Variants in PLCE1 observed in about 807,000 individuals in gnomAD.
PLCE1 encodes the protein phospholipase C epsilon 1.
In PLCE1, 119 loss-of-function variants were observed where a neutral mutation model predicts 242.8. That is an observed-to-expected ratio of 0.49 (90% CI 0.42 to 0.57). PLCE1 has a LOEUF of 0.57. Among genes scored for constraint, PLCE1 ranks in the 20% least tolerant of loss-of-function variants. The pLI is 0.00. For missense variants in PLCE1, 2,441 were observed against 2,788.8 expected (o/e 0.88, Z 2.81); for synonymous variants, 945 against 1,017.4 (o/e 0.93, Z 1.35).
At position 94,004,638 on chromosome 10, in the gene PLCE1, G is replaced by T. The variant is rs948210351; in HGVS notation, c.-365+10380G>T. On this transcript the variant is annotated intron_variant, in intron 1 of 32. Coordinates refer to ENST00000371380, the MANE Select transcript of PLCE1 (RefSeq NM_016341.4). ...CCTTCTTCACATTCTTGTTGCTTAC[G>T]TGTTGCCCCTCATCCTTGTCTCCTT... 2.0e-5 allele frequency among the ~76,000 whole-genome samples: 3 copies of T among 152,160 alleles called. No individual in the cohort carries two copies. The South Asian group carries it at 6.2e-4, about 32-fold the overall frequency.
At chr10:94,201,978 C>CAA (rs1457243174) in intron 4 of PLCE1, among the ~76,000 whole-genome samples, 4 of 152,004 alleles carry the variant, frequency 2.6e-5, no homozygotes, top group Non-Finnish European at 5.9e-5. Flanking sequence ...GATAATCATT[C>CAA]AAAATATGAG....
intron 16 of PLCE1, among the ~76,000 whole-genome samples, chr10:94,267,217 T>C (rs1049406015): frequency 5.3e-5 from 8 of 152,236 alleles, no homozygotes; most frequent in Non-Finnish European, 8.8e-5. Context: ...TATATACATA[T>C]CTATGTATAT....
At chr10:94,061,258 A>T (rs2044048473) in intron 2 of PLCE1, among the ~76,000 whole-genome samples, 2 of 152,194 alleles carry the variant, frequency 1.3e-5, no homozygotes, top group Admixed American at 1.3e-4. Flanking sequence ...TTATAACAGG[A>T]TGTACTGCAA....
At chr10:94,082,751 G>T (rs2044690628) in intron 2 of PLCE1, among the ~76,000 whole-genome samples, 2 of 152,120 alleles carry the variant, frequency 1.3e-5, no homozygotes, top group South Asian at 4.1e-4. Context: ...CATTAGCAAT[G>T]AACCATCTGG....
intron 2 of PLCE1, among the ~76,000 whole-genome samples, chr10:94,036,319 T>C (rs1340825396): frequency 6.6e-6 from 1 of 152,206 alleles, no homozygotes; most frequent in Non-Finnish European, 1.5e-5. Flanking sequence ...TTTACAGTGG[T>C]ATGAATTTGA....
chr10:94,015,847 A>G (rs531261633), intron 1 of PLCE1, among the ~76,000 whole-genome samples: 2 of 152,298 alleles, frequency 1.3e-5, no homozygotes, highest in East Asian at 3.9e-4. Context: ...TGAAATATAA[A>G]CTATCACCTA....
Position 94,321,925 on chromosome 10 carries a change from C to G in PLCE1, c.6367C>G (p.Gln2123Glu). 6.2e-7 allele frequency: 1 copy of G among 1,613,546 alleles called. No individual in the cohort carries two copies. The highest frequency in any genetic ancestry group is 8.5e-7 in the Non-Finnish European group (1 of 1,179,554). The stretch of plus-strand genomic sequence containing the variant: ...GAACCTAGAAGAGAAAAACATTGTT[C>G]AAGATGACAAAGAGGTGATCTTGAG... ...QENLEEKNIV[Q>E]DDKEVILSSE... Residue 2123 changes from glutamine to glutamate, a missense_variant, in exon 30 of 33, where the codon CAA (glutamine) becomes GAA (glutamate). Gln to Glu is a conservative substitution (Grantham distance 29, BLOSUM62 2). This residue lies in a region of PLCE1 where 310 missense variants were observed against 317.2 expected (regional missense o/e 0.98). Transcript: ENST00000371380.
rs570121329 is a variant in PLCE1, at chr10:94,016,358, A to C, written c.-364-14325A>C. Among the ~76,000 whole-genome samples the C allele has an allele frequency of 1.2e-4, 19 of 152,242 alleles. No homozygotes were observed. In the East Asian group the frequency reaches 1.7e-3, roughly 14 times the overall value. On this transcript the variant is annotated intron_variant, in intron 1 of 32. Coordinates refer to ENST00000371380, the MANE Select transcript of PLCE1 (RefSeq NM_016341.4). ...TGGAATATTTGCATTATACATAATG[A>C]GCTATCTTGGGGATAAGACCTAAAA...
chr10:94,068,369 T>C (rs1229796509), intron 2 of PLCE1, among the ~76,000 whole-genome samples: 1 of 151,056 alleles, frequency 6.6e-6, no homozygotes, highest in Non-Finnish European at 1.5e-5. Context: ...CAATCACAAA[T>C]AGAAAATATT....
At chr10:94,049,246 A>G (rs2043696570) in intron 2 of PLCE1, among the ~76,000 whole-genome samples, 1 of 152,106 alleles carries the variant, frequency 6.6e-6, no homozygotes, top group Non-Finnish European at 1.5e-5. Flanking sequence ...TCTCTACCTA[A>G]AGTCTAAGAT....
At chr10:94,278,015 T>C (rs1301355216) in intron 19 of PLCE1, among the ~76,000 whole-genome samples, 3 of 152,148 alleles carry the variant, frequency 2.0e-5, no homozygotes, top group Non-Finnish European at 4.4e-5. Flanking sequence ...TAAAACCCAC[T>C]TTGAGAAATC....
chr10:94,196,553 A>G (rs995977079), intron 4 of PLCE1, among the ~76,000 whole-genome samples: 3 of 152,194 alleles, frequency 2.0e-5, no homozygotes, highest in African/African-American at 7.2e-5. Context: ...TGGGAAGCCA[A>G]GTCAGGAGGA....
chr10:94,320,543 C>T (rs2053760826), intron 29 of PLCE1, among the ~76,000 whole-genome samples: 1 of 152,182 alleles, frequency 6.6e-6, no homozygotes, highest in African/African-American at 2.4e-5. Context: ...ATAGCGACAG[C>T]AACTCATGGA....
At position 94,132,086 on chromosome 10, in the gene PLCE1, A is replaced by G. The variant is rs1225177036; in HGVS notation, c.1207-88A>G. ...TTGGAGCATCTGAGCCTTCTTTCTT[A>G]ATAAGTCATCTTGGCATTTTGTCAA... On this transcript the variant is annotated intron_variant, in intron 2 of 32. Transcript: ENST00000371380. The G allele has an allele frequency of 3.1e-6, 4 of 1,307,444 alleles. No individual in the cohort carries two copies. The Admixed American group carries it at 5.4e-5, about 18-fold the overall frequency. 81.0% of individuals were successfully genotyped at this position (1,307,444 alleles called of 1,614,324 possible).
chr10:94,271,414 A>T (rs2051730868), intron 18 of PLCE1, among the ~76,000 whole-genome samples: 1 of 140,920 alleles, frequency 7.1e-6, no homozygotes, highest in Non-Finnish European at 1.5e-5. Flanking sequence ...TCCCAGGTTC[A>T]CACCATTCTC....
chr10:94,218,557 T>A (rs536010968), intron 4 of PLCE1, among the ~76,000 whole-genome samples: 1 of 152,310 alleles, frequency 6.6e-6, no homozygotes, highest in South Asian at 2.1e-4. Flanking sequence ...CCAATACTTC[T>A]GTCAGCTTAG....
At chr10:94,052,620 C>T (rs1165280489) in intron 2 of PLCE1, among the ~76,000 whole-genome samples, 1 of 152,176 alleles carries the variant, frequency 6.6e-6, no homozygotes, top group African/African-American at 2.4e-5. Flanking sequence ...CTTTTTCCCC[C>T]TCCTTCTTTT....
intron 2 of PLCE1, among the ~76,000 whole-genome samples, chr10:94,069,238 A>G (rs2044283322): frequency 6.6e-6 from 1 of 152,200 alleles, no homozygotes. Context: ...GTCCCCAAAT[A>G]AAAAATATGG....
chr10:94,194,606 G>C (rs1404085169), intron 4 of PLCE1, among the ~76,000 whole-genome samples: 2 of 152,240 alleles, frequency 1.3e-5, no homozygotes, highest in African/African-American at 2.4e-5. Flanking sequence ...CCCTGGCTCA[G>C]ATTTGAATTC....
Sources: allele counts gnomAD v4.1 joint callset (sites outside exome capture counted in the v4.1 genomes callset), GRCh38; gene constraint gnomAD v4.1.1; regional missense constraint gnomAD v4.1.1; transcripts MANE v1.5; gene names NCBI Gene and HGNC (gene_info 2026-07-23, HGNC 2026-07-21).